PPARGC1A: variants seen among roughly 807,000 people sequenced by gnomAD.
PPARGC1A encodes peroxisome proliferator-activated receptor gamma coactivator 1-alpha.
In PPARGC1A, 25 loss-of-function variants were observed where a neutral mutation model predicts 88.7. The observed-to-expected ratio is 0.28, with a 90% confidence interval of 0.21 to 0.39. PPARGC1A has a LOEUF of 0.39. PPARGC1A is among the 10% of genes least tolerant of loss of function. PPARGC1A has a pLI of 1.00. For missense variants in PPARGC1A, 880 were observed against 968.7 expected, an observed-to-expected ratio of 0.91 and a Z score of 1.22; for synonymous variants, 363 against 355.6, an observed-to-expected ratio of 1.02 and a Z score of -0.24.
the PPARGC1A span, among the ~76,000 whole-genome samples, chr4:24,137,381 G>A: frequency 6.6e-6 from 1 of 152,044 alleles, no homozygotes; most frequent in Non-Finnish European, 1.5e-5. Context: ...CCCAGTCCCT[G>A]GTACTTTGTT....
At chr4:23,841,345 T>C (rs909992581) in intron 2 of PPARGC1A, among the ~76,000 whole-genome samples, 2 of 152,150 alleles carry the variant, frequency 1.3e-5, no homozygotes, top group Non-Finnish European at 2.9e-5. Context: ...GGAATATATA[T>C]TAATCTTATC....
At chr4:23,820,499 C>T in intron 7 of PPARGC1A, 1 of 275,830 alleles carries the variant, frequency 3.6e-6, no homozygotes, top group South Asian at 3.2e-5. Context: ...TTTGCCATTC[C>T]CATTTCAGAA....
At chr4:23,873,303 T>C (rs1277775363) in intron 2 of PPARGC1A, among the ~76,000 whole-genome samples, 1 of 152,214 alleles carries the variant, frequency 6.6e-6, no homozygotes, top group African/African-American at 2.4e-5. Flanking sequence ...CCCTGTAATA[T>C]TGCATAGTGC....
the PPARGC1A span, among the ~76,000 whole-genome samples, chr4:24,002,105 G>C: frequency 8.5e-4 from 114 of 134,738 alleles, 1 homozygote; most frequent in East Asian, 2.8e-3. Context: ...CACAGAGAGA[G>C]AGAGAGAGAG....
the PPARGC1A span, among the ~76,000 whole-genome samples, chr4:24,049,820 A>G: frequency 6.6e-6 from 1 of 152,060 alleles, no homozygotes; most frequent in African/African-American, 2.4e-5. Context: ...CTGCCTTCCA[A>G]CTCTAGTCAG....
the PPARGC1A span, among the ~76,000 whole-genome samples, chr4:23,985,682 T>A: frequency 6.6e-6 from 1 of 151,974 alleles, no homozygotes; most frequent in Non-Finnish European, 1.5e-5. Flanking sequence ...AAACAAACTA[T>A]AAAATCACAC....
the PPARGC1A span, among the ~76,000 whole-genome samples, chr4:24,265,381 C>T: frequency 6.6e-6 from 1 of 152,188 alleles, no homozygotes. Context: ...GAACACTTCT[C>T]ATTCCCTTGG....
At chr4:24,004,121 C>G in the PPARGC1A span, among the ~76,000 whole-genome samples, 24,958 of 152,094 alleles carry the variant, frequency 0.16, 2,174 homozygotes, top group East Asian at 0.25. Flanking sequence ...GCATCGTTGG[C>G]TTGAGTCATC....
the PPARGC1A span, among the ~76,000 whole-genome samples, chr4:24,162,968 C>G: frequency 4.2e-4 from 64 of 151,726 alleles, no homozygotes; most frequent in South Asian, 0.013. Context: ...CTTCTAATGA[C>G]AATAAGATAA....
chr4:24,196,504 G>C, the PPARGC1A span, among the ~76,000 whole-genome samples: 1 of 152,162 alleles, frequency 6.6e-6, no homozygotes, highest in South Asian at 2.1e-4. Context: ...CCCTTGCAAT[G>C]ATCTTTACAA....
chr4:23,884,683 C>G, intron 2 of PPARGC1A, 69 bp downstream of exon 2: 2 of 1,423,018 alleles, frequency 1.4e-6, no homozygotes, highest in Non-Finnish European at 1.9e-6. Flanking sequence ...GCATTCAGGT[C>G]TATTACCATG....
In PPARGC1A at chr4:23,814,134, C is replaced by T; in HGVS notation, c.1349G>A (p.Arg450Lys). The T allele has an allele frequency of 6.2e-7, 1 of 1,614,072 alleles. No individual in the cohort carries two copies. Among genetic ancestry groups the T allele is most frequent in the Non-Finnish European group, 8.5e-7 (1 of 1,180,008 alleles). ...ASKQVSPCST[R>K]KQLQDQEIRA... ...GATTTCCTGGTCTTGGAGCTGTTTT[C>T]TTGTGCTGCAAGGAGAGACCTGCTT... The change falls in exon 8 of 13, where the codon AGA becomes AAA. Residue 450 changes from arginine to lysine, a missense_variant. Arg to Lys is a conservative substitution (Grantham distance 26, BLOSUM62 2). Transcript: ENST00000264867.
chr4:24,063,887 A>G, the PPARGC1A span, among the ~76,000 whole-genome samples: 336 of 152,236 alleles, frequency 2.2e-3, 3 homozygotes, highest in African/African-American at 7.3e-3. Context: ...TCCTATTAAT[A>G]TGGAACTTCA....
the PPARGC1A span, among the ~76,000 whole-genome samples, chr4:23,925,436 A>C: frequency 6.6e-6 from 1 of 152,256 alleles, no homozygotes; most frequent in African/African-American, 2.4e-5. Flanking sequence ...GTAAAATATA[A>C]AGATTATAAA....
the PPARGC1A span, among the ~76,000 whole-genome samples, chr4:23,933,854 G>A: frequency 2.0e-5 from 3 of 152,284 alleles, no homozygotes; most frequent in South Asian, 2.1e-4. Context: ...AAAGCAACTC[G>A]GTCTTTGGTT....
chr4:24,396,577 C>T, the PPARGC1A span, among the ~76,000 whole-genome samples: 4 of 152,128 alleles, frequency 2.6e-5, no homozygotes, highest in African/African-American at 7.2e-5. Context: ...ATGGTATCAT[C>T]AAAATCTTCT....
the PPARGC1A span, among the ~76,000 whole-genome samples, chr4:24,205,579 C>G: frequency 6.6e-6 from 1 of 152,142 alleles, no homozygotes; most frequent in East Asian, 1.9e-4. Context: ...GAAGGTGAAA[C>G]TTAAATAAGC....
chr4:24,441,208 G>A, the PPARGC1A span, among the ~76,000 whole-genome samples: 5 of 152,230 alleles, frequency 3.3e-5, no homozygotes, highest in African/African-American at 1.2e-4. Context: ...AGAATGTCAT[G>A]CTGCCTGGCT....
At chr4:24,460,797 C>T in the PPARGC1A span, among the ~76,000 whole-genome samples, 1 of 152,232 alleles carries the variant, frequency 6.6e-6, no homozygotes, top group Admixed American at 6.5e-5. Flanking sequence ...CGCTATTTCA[C>T]TCTCCAGCTC....
Sources: gnomAD v4.1 joint callset for allele counts (sites outside exome capture counted in the v4.1 genomes callset) on GRCh38, gnomAD v4.1.1 for gene constraint, MANE v1.5 for transcripts, NCBI Gene and HGNC (gene_info 2026-07-23, HGNC 2026-07-21) for gene names.